PCDHGC4: variants seen among roughly 807,000 people sequenced by gnomAD.
The protein encoded by PCDHGC4 is protocadherin gamma subfamily C, 4.
A neutral mutation model predicts 59.7 loss-of-function variants in PCDHGC4; 15 were observed. The ratio of observed to expected loss-of-function variants is 0.25; its 90% confidence interval spans 0.17 to 0.39. The LOEUF (loss-of-function observed/expected upper bound fraction) is 0.39, where lower values mean the gene tolerates loss of function less well. PCDHGC4 is among the 10% of genes least tolerant of loss of function. The probability of loss-of-function intolerance (pLI) is 1.00; values close to 1 mark genes in which losing one functional copy is unlikely to be tolerated. For missense variants in PCDHGC4, 1,016 were observed against 1,189.5 expected, an observed-to-expected ratio of 0.85 and a Z score of 2.15; for synonymous variants, 434 against 481.4, an observed-to-expected ratio of 0.90 and a Z score of 1.29.
Position 141,486,829 on chromosome 5 carries a change from T to A in PCDHGC4, c.1656T>A (p.Arg552=). 1 of 1,614,178 alleles carries A rather than the reference T, an allele frequency of 6.2e-7. No individual in the cohort carries two copies. Residue 552 remains arginine, a synonymous_variant, in exon 1 of 4, where the codon CGT becomes CGA. Coordinates refer to ENST00000306593, the MANE Select transcript of PCDHGC4 (RefSeq NM_018928.3). The surrounding 1 kb of genome is among the most constrained non-coding windows in gnomAD (Gnocchi z 5.0). ...NPPLSSTVTV[R]LFVLDLNDNA... is the part of the protein sequence containing the mutation. ...CCCTTAGCAGCACTGTAACAGTTCG[T>A]CTATTTGTGCTGGACCTCAATGACA...
At position 141,491,744 on chromosome 5, in the gene PCDHGC4, C is replaced by T; in HGVS notation, c.2443-3063C>T. 6.3e-7 allele frequency: 1 copy of T among 1,592,720 alleles called. No individual in the cohort carries two copies. Among genetic ancestry groups the T allele is most frequent in the African/African-American group, 1.3e-5 (1 of 74,122 alleles). Reference sequence around the variant, plus strand: ...CCCCGGGCGACCCCTGGGGGCGGCACTGGAGAAGCCGCCCGTCCTCATAAG... The same window carrying T: ...CCCCGGGCGACCCCTGGGGGCGGCATTGGAGAAGCCGCCCGTCCTCATAAG... On this transcript the variant is annotated intron_variant, in intron 1 of 3. Transcript: ENST00000306593. The surrounding 1 kb of genome is among the most constrained non-coding windows in gnomAD (Gnocchi z 6.9).
chr5:141,490,811 A>G lies in PCDHGC4; in HGVS notation c.2442+3196A>G, dbSNP rs750702067. The G allele has an allele frequency of 1.2e-6, 2 of 1,613,918 alleles. No homozygotes were observed. The highest frequency in any genetic ancestry group is 8.5e-7 in the Non-Finnish European group (1 of 1,179,884). On this transcript the variant is annotated intron_variant, in intron 1 of 3. Coordinates refer to ENST00000306593, the MANE Select transcript of PCDHGC4 (RefSeq NM_018928.3). This position sits in a 1 kb window ranked among gnomAD's most constrained non-coding sequence, Gnocchi z 5.4. ...ATCTTTGCCCAGCGTACCTTTGACTATGAATTGCTGCAGATGCTGCAGATT... is the reference window on the plus strand; with the variant it reads ...ATCTTTGCCCAGCGTACCTTTGACTGTGAATTGCTGCAGATGCTGCAGATT...
In PCDHGC4 at chr5:141,489,734, A is replaced by G; in HGVS notation, c.2442+2119A>G. The G allele has an allele frequency of 6.2e-7, 1 of 1,614,164 alleles. No individual in the cohort carries two copies. Among genetic ancestry groups the G allele is most frequent in the Non-Finnish European group, 8.5e-7 (1 of 1,180,028 alleles). On this transcript the variant is annotated intron_variant, in intron 1 of 3. Transcript: ENST00000306593. This position sits in a 1 kb window ranked among gnomAD's most constrained non-coding sequence, Gnocchi z 4.5. ...GCCCAGGATCCGGATGTGGGCACCAATACTGTGAGCTTTTACACTCTAAGC... is the reference window on the plus strand; with the variant it reads ...GCCCAGGATCCGGATGTGGGCACCAGTACTGTGAGCTTTTACACTCTAAGC...
At chr5:141,502,231 G>A (rs2099813372) in intron 2 of PCDHGC4, among the ~76,000 whole-genome samples, 1 of 152,172 alleles carries the variant, frequency 6.6e-6, no homozygotes, top group Non-Finnish European at 1.5e-5. Context: ...TGTTCTGTGT[G>A]TTCTTTTATC....
rs748803155 is a variant in PCDHGC4, at chr5:141,490,087, G to C, written c.2442+2472G>C. ...CGGCCAACTAGACTATTCTTTTGGAGACCACACATCTGAGGCAGTGCGGAA... is the reference window on the plus strand; with the variant it reads ...CGGCCAACTAGACTATTCTTTTGGACACCACACATCTGAGGCAGTGCGGAA... On this transcript the variant is annotated intron_variant, in intron 1 of 3. Transcript: ENST00000306593. The surrounding 1 kb of genome is among the most constrained non-coding windows in gnomAD (Gnocchi z 5.4). 1.9e-6 allele frequency: 3 copies of C among 1,614,244 alleles called. No individual in the cohort carries two copies. Among genetic ancestry groups the C allele is most frequent in the Non-Finnish European group, 2.5e-6 (3 of 1,180,044 alleles).
chr5:141,486,105 A>C lies in PCDHGC4; in HGVS notation c.932A>C (p.Glu311Ala). Reference protein sequence around the residue: ...KLTLLGPLDFESENYYEFDVR... With the variant: ...KLTLLGPLDFASENYYEFDVR... The stretch of plus-strand genomic sequence containing the variant: ...ACTCTTTTGGGGCCCCTAGACTTTG[A>C]GAGTGAGAATTACTATGAATTTGAT... The change falls in exon 1 of 4, where the codon GAG (glutamate) becomes GCG (alanine). Residue 311 changes from glutamate (E) to alanine (A), a missense_variant. Transcript: ENST00000306593. This position sits in a 1 kb window ranked among gnomAD's most constrained non-coding sequence, Gnocchi z 5.0. The C allele has an allele frequency of 1.2e-6, 2 of 1,614,138 alleles. No individual in the cohort carries two copies. The highest frequency in any genetic ancestry group is 1.7e-6 in the Non-Finnish European group (2 of 1,180,016).
chr5:141,492,079 G>C (rs1400390407), intron 1 of PCDHGC4: 3 of 486,286 alleles, frequency 6.2e-6, no homozygotes, highest in South Asian at 4.1e-5. Flanking sequence ...CGCCGGCTCC[G>C]GCACGCTTCG....
chr5:141,505,434 A>C lies in PCDHGC4; in HGVS notation c.2543A>C (p.Gln848Pro), dbSNP rs1417754900. 1 of 1,614,198 alleles carries C rather than the reference A, an allele frequency of 6.2e-7. No homozygotes were observed. The highest frequency in any genetic ancestry group is 1.7e-5 in the Admixed American group (1 of 60,032). The change falls in exon 3 of 4, where the codon CAG (glutamine) becomes CCG (proline). Residue 848 changes from glutamine (Q) to proline (P), a missense_variant. Gln to Pro is a moderately conservative substitution (Grantham distance 76). Coordinates refer to ENST00000306593, the MANE Select transcript of PCDHGC4 (RefSeq NM_018928.3). ...GACACCGGCACCTGGCCCAACAACCAGTTTGACACAGAGATGCTGCAAGCC... is the reference window on the plus strand; with the variant it reads ...GACACCGGCACCTGGCCCAACAACCCGTTTGACACAGAGATGCTGCAAGCC... ...GDDTGTWPNN[Q>P]FDTEMLQAMI...
At chr5:141,503,660 C>A (rs2099827842) in intron 2 of PCDHGC4, among the ~76,000 whole-genome samples, 1 of 150,420 alleles carries the variant, frequency 6.6e-6, no homozygotes, top group Non-Finnish European at 1.5e-5. Flanking sequence ...AACAGAATTA[C>A]AACTCTTCCC....
chr5:141,492,487 C>T (rs1031047955), intron 1 of PCDHGC4, among the ~76,000 whole-genome samples: 1 of 152,222 alleles, frequency 6.6e-6, no homozygotes, highest in Non-Finnish European at 1.5e-5. Context: ...CGCCCAGGAC[C>T]AGGCGAGGAC....
chr5:141,489,999 G>C lies in PCDHGC4; in HGVS notation c.2442+2384G>C, dbSNP rs772783990. Reference sequence around the variant, plus strand: ...CAGTTCTACGTGTGGGAATCCCAGAGAATGCACCCATTGGTACTCTGCTGC... The same window carrying C: ...CAGTTCTACGTGTGGGAATCCCAGACAATGCACCCATTGGTACTCTGCTGC... On this transcript the variant is annotated intron_variant, in intron 1 of 3. Coordinates refer to ENST00000306593, the MANE Select transcript of PCDHGC4 (RefSeq NM_018928.3). This position sits in a 1 kb window ranked among gnomAD's most constrained non-coding sequence, Gnocchi z 4.5. 6.2e-7 allele frequency: 1 copy of C among 1,614,242 alleles called. No individual in the cohort carries two copies. Among genetic ancestry groups the C allele is most frequent in the East Asian group, 2.2e-5 (1 of 44,886 alleles).
chr5:141,497,374 T>C (rs2099776044), intron 2 of PCDHGC4, among the ~76,000 whole-genome samples: 1 of 152,112 alleles, frequency 6.6e-6, no homozygotes, highest in Non-Finnish European at 1.5e-5. Flanking sequence ...ATGTGTCCTC[T>C]GGGGTGAGCA....
chr5:141,501,902 C>G (rs2154593013), intron 2 of PCDHGC4, among the ~76,000 whole-genome samples: 1 of 152,202 alleles, frequency 6.6e-6, no homozygotes, highest in East Asian at 1.9e-4. Flanking sequence ...GGTTCCAACC[C>G]CACTGTTCCA....
intron 1 of PCDHGC4, 134 bp from the exon 2 acceptor site, chr5:141,494,673 C>A: frequency 6.5e-7 from 1 of 1,542,992 alleles, no homozygotes; most frequent in South Asian, 1.2e-5. Flanking sequence ...GATGAGTCCA[C>A]CCCTGCCCCC....
Position 141,490,479 on chromosome 5 carries a change from C to A in PCDHGC4, c.2442+2864C>A. 6.2e-7 allele frequency: 1 copy of A among 1,614,216 alleles called. No homozygotes were observed. Among genetic ancestry groups the A allele is most frequent in the South Asian group, 1.1e-5 (1 of 91,086 alleles). On this transcript the variant is annotated intron_variant, in intron 1 of 3. Transcript: ENST00000306593. The surrounding 1 kb of genome is among the most constrained non-coding windows in gnomAD (Gnocchi z 5.4). ...CGCTGCTAACCAGCCAGCCTTTGGA[C>A]CGGGAGGCCACATCCCACTATATCA...
Position 141,485,256 on chromosome 5 carries a change from G to A in PCDHGC4, c.83G>A (p.Cys28Tyr), listed in dbSNP as rs770176450. The A allele has an allele frequency of 6.2e-7, 1 of 1,614,186 alleles. No homozygotes were observed. Among genetic ancestry groups the A allele is most frequent in the Non-Finnish European group, 8.5e-7 (1 of 1,179,996 alleles). The change falls in exon 1 of 4, where the codon TGT becomes TAT. Residue 28 changes from cysteine to tyrosine, a missense_variant. Transcript: ENST00000306593. The surrounding 1 kb of genome is among the most constrained non-coding windows in gnomAD (Gnocchi z 5.7). ...CTCTTTTACCACCTGGGTTACGTTTGTGGGCAGATCCGCTACCCGGTCCCA... is the reference window on the plus strand; with the variant it reads ...CTCTTTTACCACCTGGGTTACGTTTATGGGCAGATCCGCTACCCGGTCCCA... ...LFLFYHLGYV[C>Y]GQIRYPVPEE... is the part of the protein sequence containing the mutation.
rs760095389 is a variant in PCDHGC4, at chr5:141,486,731, A to G, written c.1558A>G (p.Thr520Ala). The change falls in exon 1 of 4, where the codon ACT becomes GCT. Residue 520 changes from threonine (T) to alanine (A), a missense_variant. By Grantham distance (58) the Thr-to-Ala change is moderately conservative. Transcript: ENST00000306593. The surrounding 1 kb of genome is among the most constrained non-coding windows in gnomAD (Gnocchi z 5.0). ...LNPQTGAVHATRSFDYEQTQT... is the reference protein window; with the variant it reads ...LNPQTGAVHAARSFDYEQTQT... ...CCCCCAGACAGGAGCTGTTCATGCT[A>G]CTCGATCCTTTGACTATGAGCAAAC... The G allele has an allele frequency of 6.2e-7, 1 of 1,614,060 alleles. No individual in the cohort carries two copies. Among genetic ancestry groups the G allele is most frequent in the Non-Finnish European group, 8.5e-7 (1 of 1,180,012 alleles).
chr5:141,503,343 T>C (rs558650835), intron 2 of PCDHGC4, among the ~76,000 whole-genome samples: 87 of 152,106 alleles, frequency 5.7e-4, no homozygotes, highest in South Asian at 1.2e-3. Flanking sequence ...ACGCCTGTAA[T>C]TCCAGCACTT....
At chr5:141,506,829 T>C (rs1449718553) in intron 3 of PCDHGC4, among the ~76,000 whole-genome samples, 1 of 152,182 alleles carries the variant, frequency 6.6e-6, no homozygotes, top group African/African-American at 2.4e-5. Context: ...CATGAACTGA[T>C]AGCCCTGCCC....
Sources: allele counts gnomAD v4.1 joint callset (sites outside exome capture counted in the v4.1 genomes callset), GRCh38; gene constraint gnomAD v4.1.1; non-coding constraint Gnocchi (gnomAD v3.1); transcripts MANE v1.5; gene names NCBI Gene and HGNC (gene_info 2026-07-23, HGNC 2026-07-21).